PCSK5: variants seen among roughly 807,000 people sequenced by gnomAD.
PCSK5 encodes the protein proprotein convertase subtilisin/kexin type 5, also known as prohormone convertase 5.
Under a neutral mutation model 233.2 loss-of-function variants are expected in PCSK5, and 129 were observed. The observed-to-expected ratio is 0.55, with a 90% CI of 0.48 to 0.64. PCSK5 has a LOEUF of 0.64. Among genes scored for constraint, PCSK5 ranks in the 30% least tolerant of loss-of-function variants. The probability of loss-of-function intolerance (pLI) is 0.00; values close to 1 mark genes in which losing one functional copy is unlikely to be tolerated. For synonymous variants in PCSK5, 825 were observed against 879.2 expected, an observed-to-expected ratio of 0.94 and a Z score of 1.09; for missense variants, 2,076 against 2,430.1, an observed-to-expected ratio of 0.85 and a Z score of 3.06.
At chr9:76,096,215 A>AC (rs1831507121) in intron 8 of PCSK5, 113 bp downstream of exon 8, 2 of 676,704 alleles carry the variant, frequency 3.0e-6, no homozygotes, top group South Asian at 3.8e-5. Context: ...ACACACACAC[A>AC]GAAGTAATAT....
At chr9:75,982,853 A>G (rs1401294018) in intron 2 of PCSK5, among the ~76,000 whole-genome samples, 1 of 151,894 alleles carries the variant, frequency 6.6e-6, no homozygotes, top group East Asian at 1.9e-4. Flanking sequence ...CTTAGATACA[A>G]TCTTGCACTC....
At chr9:75,989,754 G>A (rs1826685253) in intron 3 of PCSK5, among the ~76,000 whole-genome samples, 1 of 152,166 alleles carries the variant, frequency 6.6e-6, no homozygotes, top group African/African-American at 2.4e-5. Flanking sequence ...GGTGATCCAA[G>A]AGATCGTGTT....
chr9:75,903,597 AT>A lies in PCSK5; in HGVS notation c.192+12226del, dbSNP rs1214389443. 4.1e-4 allele frequency among the ~76,000 whole-genome samples: 58 copies of A among 140,614 alleles called. 1 individual carries two copies. Among genetic ancestry groups the A allele is most frequent in the African/African-American group, 1.3e-3 (50 of 37,512 alleles). The allele number at this position is 140,614 out of a possible 152,430, so 92.2% of individuals were successfully genotyped here. On this transcript the variant is annotated intron_variant, in intron 1 of 37. Coordinates refer to ENST00000674117, the MANE Select transcript of PCSK5 (RefSeq NM_001372043.1). ...GTGTATATATATATATAAAATATAT[AT>A]TATATATATATATTATATATATATA...
At position 76,125,362 on chromosome 9, in the gene PCSK5, C is replaced by T. The variant is rs567563008; in HGVS notation, c.1209-8747C>T. Reference sequence around the variant, plus strand: ...ACCATTAACCTGACTCTTTCCATCACGCACCCCTCCAGTCCAAGACATTGC... The same window carrying T: ...ACCATTAACCTGACTCTTTCCATCATGCACCCCTCCAGTCCAAGACATTGC... On this transcript the variant is annotated intron_variant, in intron 9 of 37. Coordinates refer to ENST00000674117, the MANE Select transcript of PCSK5 (RefSeq NM_001372043.1). Among the ~76,000 whole-genome samples, 23 of 152,300 alleles carry T rather than the reference C, an allele frequency of 1.5e-4. No homozygotes were observed. In the Middle Eastern group the frequency reaches 0.01, roughly 68 times the overall value.
At chr9:76,250,546 C>T (rs901463864) in intron 24 of PCSK5, among the ~76,000 whole-genome samples, 4 of 152,094 alleles carry the variant, frequency 2.6e-5, no homozygotes, top group Non-Finnish European at 5.9e-5. Context: ...AAACCATGAC[C>T]CCAGTCTAGT....
At chr9:76,088,930 AT>A (rs5898449) in intron 7 of PCSK5, among the ~76,000 whole-genome samples, 59,132 of 139,854 alleles carry the variant, frequency 0.42, 12,257 homozygotes, top group South Asian at 0.49. Context: ...AGGTTTTTTA[AT>A]TTTTTTTTTT....
At chr9:76,270,970 G>T (rs1239338059) in intron 24 of PCSK5, among the ~76,000 whole-genome samples, 1 of 152,038 alleles carries the variant, frequency 6.6e-6, no homozygotes, top group Non-Finnish European at 1.5e-5. Flanking sequence ...GAGGAAGTTA[G>T]ATCACTTTAA....
intron 20 of PCSK5, among the ~76,000 whole-genome samples, chr9:76,201,046 A>G (rs573446488): frequency 2.6e-5 from 4 of 152,290 alleles, no homozygotes; most frequent in African/African-American, 9.6e-5. Flanking sequence ...CAGTTGAACG[A>G]AAGAACAGGG....
intron 20 of PCSK5, among the ~76,000 whole-genome samples, chr9:76,202,838 T>C (rs1472210631): frequency 2.0e-5 from 3 of 152,232 alleles, no homozygotes; most frequent in Admixed American, 2.0e-4. Context: ...GTCTAATATA[T>C]GTAATTCTCA....
Position 76,158,999 on chromosome 9 carries a change from A to G in PCSK5, c.1447A>G (p.Ser483Gly). 2 of 1,614,032 alleles carry G rather than the reference A, an allele frequency of 1.2e-6. No individual in the cohort carries two copies. The highest frequency in any genetic ancestry group is 1.7e-6 in the Non-Finnish European group (2 of 1,179,918). Residue 483 changes from serine (S) to glycine (G), a missense_variant, in exon 12 of 38, where the codon AGT becomes GGT. Physicochemically the swap from Ser to Gly is moderately conservative, Grantham distance 56. Coordinates refer to ENST00000674117, the MANE Select transcript of PCSK5 (RefSeq NM_001372043.1). ...CTGTTACAGGACAATCCGCCCTAAC[A>G]GTGCAGTGCGCTCCATCTACAAAGC... is the stretch of plus-strand genomic sequence containing the variant. ...DRQIKTIRPN[S>G]AVRSIYKASG...
intron 33 of PCSK5, among the ~76,000 whole-genome samples, chr9:76,331,783 G>A (rs1231182301): frequency 1.3e-5 from 2 of 152,148 alleles, no homozygotes; most frequent in African/African-American, 4.8e-5. Context: ...GACAGAGGAA[G>A]GGGCCATGAG....
intron 9 of PCSK5, among the ~76,000 whole-genome samples, chr9:76,124,013 T>A (rs1329951130): frequency 6.6e-6 from 1 of 152,190 alleles, no homozygotes; most frequent in African/African-American, 2.4e-5. Flanking sequence ...GGGATGCAAC[T>A]CTTTTCATTA....
intron 9 of PCSK5, among the ~76,000 whole-genome samples, chr9:76,129,179 G>T (rs1405048787): frequency 2.0e-5 from 3 of 152,058 alleles, no homozygotes; most frequent in Non-Finnish European, 4.4e-5. Flanking sequence ...TCCCGTAACT[G>T]CCGATTTCTT....
intron 2 of PCSK5, among the ~76,000 whole-genome samples, chr9:75,957,317 C>T (rs550932531): frequency 2.2e-4 from 34 of 152,228 alleles, no homozygotes; most frequent in Non-Finnish European, 3.1e-4. Flanking sequence ...GGTGGTCTAG[C>T]GTGCCTTAGT....
rs111345559 is a variant in PCSK5 at position 76,350,417 on chromosome 9, G to C, written c.4967-411G>C. ...CCTAGCATTTTAAGTGCCAAGTTTA[G>C]TGCCGTTTCTCAGTTAGAAACTGTC... On this transcript the variant is annotated intron_variant, in intron 35 of 37. Transcript: ENST00000674117. 3.4e-3 allele frequency among the ~76,000 whole-genome samples: 522 copies of C among 152,280 alleles called. 5 individuals carry two copies. The highest frequency in any genetic ancestry group is 0.012 in the African/African-American group (502 of 41,550).
At chr9:75,985,339 G>C (rs1166279540) in intron 2 of PCSK5, among the ~76,000 whole-genome samples, 1 of 152,152 alleles carries the variant, frequency 6.6e-6, no homozygotes, top group Non-Finnish European at 1.5e-5. Context: ...TAAATATTAA[G>C]ATGTTTCTCC....
At chr9:75,945,190 TA>T (rs2131310055) in intron 2 of PCSK5, among the ~76,000 whole-genome samples, 1 of 150,832 alleles carries the variant, frequency 6.6e-6, no homozygotes, top group South Asian at 2.1e-4. Context: ...ACATATATAA[TA>T]TAACATATAA....
At chr9:76,174,867 G>T in intron 13 of PCSK5, 119 bp from the exon 14 acceptor site, 1 of 800,642 alleles carries the variant, frequency 1.2e-6, no homozygotes, top group African/African-American at 1.7e-5. Context: ...TGTAGTGATT[G>T]ATATCCATCT....
intron 20 of PCSK5, among the ~76,000 whole-genome samples, chr9:76,214,125 A>G (rs1277752062): frequency 6.6e-6 from 1 of 152,162 alleles, no homozygotes; most frequent in Non-Finnish European, 1.5e-5. Flanking sequence ...TACATTGGCT[A>G]GTTTTCTTGA....
Sources: gnomAD v4.1 joint callset for allele counts (sites outside exome capture counted in the v4.1 genomes callset) on GRCh38, gnomAD v4.1.1 for gene constraint, MANE v1.5 for transcripts, NCBI Gene and HGNC (gene_info 2026-07-23, HGNC 2026-07-21) for gene names.